Variants in TECTA observed in about 807,000 individuals in gnomAD.
The protein encoded by TECTA is alpha-tectorin.
A neutral mutation model predicts 216.8 loss-of-function variants in TECTA; 128 were observed. The ratio of observed to expected loss-of-function variants is 0.59; its 90% CI spans 0.51 to 0.68. TECTA has a LOEUF of 0.68. Among genes scored for constraint, TECTA ranks in the 30% least tolerant of loss-of-function variants. TECTA has a pLI of 0.00. For missense variants in TECTA, 2,551 were observed against 2,786.2 expected, an observed-to-expected ratio of 0.92 and a Z score of 1.90; for synonymous variants, 1,089 against 1,117.1, an observed-to-expected ratio of 0.97 and a Z score of 0.50.
rs1199973262 is a variant in TECTA at position 121,125,411 on chromosome 11, C to G, written c.1313C>G (p.Thr438Ser). 6.2e-7 allele frequency: 1 copy of G among 1,614,104 alleles called. No individual in the cohort carries two copies. Among genetic ancestry groups the G allele is most frequent in the East Asian group, 2.2e-5 (1 of 44,904 alleles). The change falls in exon 8 of 24, where the codon ACT (threonine) becomes AGT (serine). Residue 438 changes from threonine (T) to serine (S), a missense_variant. Around this residue, in one of 3 missense-constraint regions of TECTA, gnomAD observed 2,375 missense variants for 2,563.9 expected, o/e 0.93. Transcript: ENST00000392793. ...AVETDFGLLV[T>S]FDGQHYASIS... ...GAAACAGATTTTGGGCTCTTAGTGA[C>G]TTTTGATGGCCAGCACTACGCCTCC...
At chr11:121,102,819 C>A in intron 2 of TECTA, 90 bp downstream of exon 2, 3 of 1,090,978 alleles carry the variant, frequency 2.7e-6, no homozygotes, top group Non-Finnish European at 2.8e-6. Context: ...ATTGTAAGGG[C>A]AGGTGCATGT....
At chr11:121,139,899 C>T (rs897008055) in intron 11 of TECTA, among the ~76,000 whole-genome samples, 2 of 152,188 alleles carry the variant, frequency 1.3e-5, no homozygotes, top group Admixed American at 6.5e-5. Context: ...TTCCCTCTAT[C>T]CATTTTCATC....
At chr11:121,156,660 T>TTA (rs562809075) in intron 13 of TECTA, among the ~76,000 whole-genome samples, 35,902 of 145,186 alleles carry the variant, frequency 0.25, 5,559 homozygotes, top group African/African-American at 0.47. Flanking sequence ...TATTATTATT[T>TTA]TTATTATTAT....
chr11:121,191,064 G>A lies in TECTA; in HGVS notation c.*258G>A. The A allele has an allele frequency of 2.6e-6, 1 of 389,380 alleles. No individual in the cohort carries two copies. 24.1% of individuals were successfully genotyped at this position (389,380 alleles called of 1,614,324 possible). A position where few individuals can be genotyped will look rare whatever the true frequency, so the allele number is the denominator to read the frequency against. ...AAATTCCCAAACAGTTGTCACTAGA[G>A]ACTTTGGTTCACATGAAAAACCAGT... On this transcript the variant is annotated 3_prime_UTR_variant, in exon 24 of 24. Coordinates refer to ENST00000392793, the MANE Select transcript of TECTA (RefSeq NM_005422.4).
At position 121,118,645 on chromosome 11, in the gene TECTA, G is replaced by T. The variant is rs778445572; in HGVS notation, c.1130G>T (p.Trp377Leu). The part of the protein sequence containing the change: ...NEHRRGSAVS[W>L]VKELSVEVNG... ...CACCGCAGAGGTTCAGCCGTCTCCT[G>T]GGTGAAGGAGCTCTCAGTGGAGGTG... The change falls in exon 7 of 24, where the codon TGG (tryptophan) becomes TTG (leucine). Residue 377 changes from tryptophan to leucine, a missense_variant. Trp to Leu is a moderately conservative substitution (Grantham distance 61). Coordinates refer to ENST00000392793, the MANE Select transcript of TECTA (RefSeq NM_005422.4). 3.7e-6 allele frequency: 6 copies of T among 1,614,054 alleles called. 1 individual carries two copies. The South Asian group carries it at 6.6e-5, about 18-fold the overall frequency.
chr11:121,149,720 C>A (rs946798090), intron 12 of TECTA, among the ~76,000 whole-genome samples: 1 of 152,192 alleles, frequency 6.6e-6, no homozygotes, highest in Non-Finnish European at 1.5e-5. Context: ...CTCCATTCAT[C>A]CTGTCTACCA....
At chr11:121,159,672 A>T (rs677336) in intron 14 of TECTA, among the ~76,000 whole-genome samples, 71,394 of 152,120 alleles carry the variant, frequency 0.47, 19,809 homozygotes, top group African/African-American at 0.78. Context: ...CCAGATCCAT[A>T]TTAACTGTGT....
chr11:121,104,602 G>A (rs913769550), intron 2 of TECTA, among the ~76,000 whole-genome samples: 21 of 152,240 alleles, frequency 1.4e-4, no homozygotes, highest in African/African-American at 4.3e-4. Context: ...CTTTCTGGCC[G>A]CTTTGCACTC....
At chr11:121,145,437 C>A in intron 11 of TECTA, 118 bp from the exon 12 acceptor site, 1 of 1,007,806 alleles carries the variant, frequency 9.9e-7, no homozygotes, top group Non-Finnish European at 1.6e-6. Context: ...GCAAAGACTG[C>A]ATTCAACCTG....
chr11:121,152,090 G>A lies in TECTA; in HGVS notation c.4106-791G>A, dbSNP rs73583183. Among the ~76,000 whole-genome samples the A allele has an allele frequency of 9.9e-3, 1,509 of 152,308 alleles. 22 individuals carry two copies. The highest frequency in any genetic ancestry group is 0.035 in the African/African-American group (1,439 of 41,552). ...GCTCAGAGAGCCCGAGTGACGCTCT[G>A]GGTCTCTTATAGCTGGTTCCAGAGC... On this transcript the variant is annotated intron_variant, in intron 12 of 23. Transcript: ENST00000392793.
At chr11:121,133,938 C>G (rs112435283) in intron 10 of TECTA, among the ~76,000 whole-genome samples, 3,051 of 152,222 alleles carry the variant, frequency 0.02, 96 homozygotes, top group African/African-American at 0.068. Context: ...GTCTGTCTAT[C>G]GGTCATCTTA....
chr11:121,108,667 C>T (rs958052635), intron 3 of TECTA, among the ~76,000 whole-genome samples: 1 of 150,810 alleles, frequency 6.6e-6, no homozygotes, highest in Admixed American at 6.6e-5. Flanking sequence ...AGTACACACA[C>T]ATGCTCCAGT....
At position 121,113,912 on chromosome 11, in the gene TECTA, C is replaced by T. The variant is rs752696108; in HGVS notation, c.790+194C>T. On this transcript the variant is annotated intron_variant, in intron 6 of 23. Coordinates refer to ENST00000392793, the MANE Select transcript of TECTA (RefSeq NM_005422.4). This position sits in a 1 kb window ranked among gnomAD's most constrained non-coding sequence, Gnocchi z 4.2. ...GAAGCTAAAACACTGCATTCACTACCTTGTGGCTTTGGAAGTCCTTTTCTG... is the reference window on the plus strand; with the variant it reads ...GAAGCTAAAACACTGCATTCACTACTTTGTGGCTTTGGAAGTCCTTTTCTG... 6.6e-6 allele frequency among the ~76,000 whole-genome samples: 1 copy of T among 152,182 alleles called. No homozygotes were observed. The highest frequency in any genetic ancestry group is 1.5e-5 in the Non-Finnish European group (1 of 68,020).
chr11:121,170,180 G>T (rs1947096861), intron 20 of TECTA, among the ~76,000 whole-genome samples: 1 of 152,004 alleles, frequency 6.6e-6, no homozygotes, highest in African/African-American at 2.4e-5. Context: ...CAAATGATAG[G>T]ATTTCATTTC....
chr11:121,189,401 T>C (rs1763445637), intron 22 of TECTA, among the ~76,000 whole-genome samples: 1 of 150,028 alleles, frequency 6.7e-6, no homozygotes, highest in Non-Finnish European at 1.5e-5. Flanking sequence ...TGAGACGGAG[T>C]CTTTCTCTGT....
At chr11:121,184,886 A>G (rs898569729) in intron 20 of TECTA, among the ~76,000 whole-genome samples, 4 of 152,298 alleles carry the variant, frequency 2.6e-5, no homozygotes, top group South Asian at 2.1e-4. Context: ...GCAGGCCTAG[A>G]TGAGTGGGTG....
chr11:121,189,222 G>A, intron 22 of TECTA, 55 bp downstream of exon 22: 2 of 1,578,496 alleles, frequency 1.3e-6, no homozygotes, highest in Non-Finnish European at 1.7e-6. Flanking sequence ...GGATTTCAAG[G>A]CTCAGATGTG....
chr11:121,122,941 G>C (rs1946573485), intron 7 of TECTA, among the ~76,000 whole-genome samples: 1 of 152,236 alleles, frequency 6.6e-6, no homozygotes, highest in Non-Finnish European at 1.5e-5. Context: ...CTACATTGTA[G>C]TGAATGGACC....
intron 20 of TECTA, among the ~76,000 whole-genome samples, chr11:121,185,278 C>G (rs1181919761): frequency 6.6e-6 from 1 of 151,918 alleles, no homozygotes; most frequent in South Asian, 2.1e-4. Flanking sequence ...ACCAGATGTT[C>G]AATGCTTAAT....
Sources: allele counts gnomAD v4.1 joint callset (sites outside exome capture counted in the v4.1 genomes callset), GRCh38; gene constraint gnomAD v4.1.1; regional missense constraint gnomAD v4.1.1; non-coding constraint Gnocchi (gnomAD v3.1); transcripts MANE v1.5; gene names NCBI Gene and HGNC (gene_info 2026-07-23, HGNC 2026-07-21).